SETDB2: variants seen among roughly 807,000 people sequenced by gnomAD.
The protein encoded by SETDB2 is SET domain bifurcated histone lysine methyltransferase 2.
SETDB2 carries 56 observed loss-of-function variants against 82.5 expected under a neutral mutation model. The observed-to-expected ratio is 0.68, with a 90% CI of 0.55 to 0.85. The LOEUF is 0.85. Among genes scored for constraint, SETDB2 ranks in the 40% least tolerant of loss-of-function variants. The pLI is 0.00. For synonymous variants in SETDB2, 272 were observed against 284.9 expected (o/e 0.95, Z 0.46); for missense variants, 677 against 816.4 (o/e 0.83, Z 2.08).
At chr13:49,463,474 G>A (rs1958039782) in intron 4 of SETDB2, among the ~76,000 whole-genome samples, 2 of 152,174 alleles carry the variant, frequency 1.3e-5, no homozygotes, top group South Asian at 2.1e-4. Flanking sequence ...ATACACAAGG[G>A]GGTGGGCTAG....
intron 12 of SETDB2, 65 bp downstream of exon 12, chr13:49,488,695 T>G (rs1402106290): frequency 7.6e-7 from 1 of 1,317,706 alleles, no homozygotes; most frequent in Non-Finnish European, 1.0e-6. Context: ...CTTAACAAAA[T>G]TATGAGGAAA....
In SETDB2 at chr13:49,480,295, G is replaced by T; in HGVS notation, c.946G>T (p.Gly316Ter). 6.2e-7 allele frequency: 1 copy of T among 1,610,432 alleles called. No homozygotes were observed. Among genetic ancestry groups the T allele is most frequent in the Non-Finnish European group, 8.5e-7 (1 of 1,178,828 alleles). The change falls in exon 7 of 14, where the codon GGA becomes TGA. Residue 316 changes from glycine (G) to a stop codon, truncating the protein, a stop_gained. Transcript: ENST00000611815. LOFTEE classifies it high-confidence loss of function. ...SPLSSDKITT[G>*]YKYKRLQRQI... is the part of the protein sequence containing the mutation. ...CTTGTCAAGTGACAAAATAACCACT[G>T]GATATAAATATAAAAGACTACAGAG...
rs1221138252 is a variant in SETDB2, at chr13:49,481,007, C to T, written c.1047C>T (p.Val349=). 3.1e-6 allele frequency: 5 copies of T among 1,614,182 alleles called. No homozygotes were observed. The highest frequency in any genetic ancestry group is 2.5e-6 in the Non-Finnish European group (3 of 1,180,000). Reference sequence around the variant, plus strand: ...GACAATTGTGTCAAAACCGAGTTGTCCAACATGGTCCTCAAGTGAGGTTAC... The same window carrying T: ...GACAATTGTGTCAAAACCGAGTTGTTCAACATGGTCCTCAAGTGAGGTTAC... ...CNRQLCQNRV[V]QHGPQVRLQV... The change falls in exon 8 of 14, where the codon GTC becomes GTT. Residue 349 remains valine, a synonymous_variant. Transcript: ENST00000611815.
intron 6 of SETDB2, among the ~76,000 whole-genome samples, chr13:49,479,555 G>T (rs923213055): frequency 2.0e-5 from 3 of 152,164 alleles, no homozygotes; most frequent in Admixed American, 6.5e-5. Flanking sequence ...AAAGTCACTT[G>T]TTCAGCAAAG....
intron 5 of SETDB2, among the ~76,000 whole-genome samples, chr13:49,474,301 C>T (rs945866214): frequency 6.6e-6 from 1 of 152,112 alleles, no homozygotes; most frequent in Admixed American, 6.6e-5. Context: ...TATAGTATAT[C>T]CTTTTACCTG....
At chr13:49,469,806 A>G (rs1958190641) in intron 5 of SETDB2, among the ~76,000 whole-genome samples, 1 of 152,064 alleles carries the variant, frequency 6.6e-6, no homozygotes, top group Admixed American at 6.6e-5. Context: ...ACTGTCACAG[A>G]CTTCAGTTTC....
intron 8 of SETDB2, chr13:49,482,428 C>A (rs1958498168): frequency 3.5e-6 from 2 of 573,034 alleles, no homozygotes; most frequent in Non-Finnish European, 4.4e-6. Flanking sequence ...CTAGAGTCAT[C>A]TCTCTAATTT....
Position 49,480,967 on chromosome 13 carries a change from T to G in SETDB2, c.1007T>G (p.Leu336Trp). Residue 336 changes from leucine (L) to tryptophan (W), a missense_variant, in exon 8 of 14, where the codon TTG becomes TGG. Leu to Trp is a moderately conservative substitution (Grantham distance 61, BLOSUM62 -2). Around this residue, in one of 3 missense-constraint regions of SETDB2, gnomAD observed 420 missense variants for 554.6 expected, o/e 0.76. Transcript: ENST00000611815. ...GACAGCATTTATGAATGCAGCCTTT[T>G]GTGCAAATGTAATCGACAATTGTGT... ...IPTGIYECSL[L>W]CKCNRQLCQN... 6.2e-7 allele frequency: 1 copy of G among 1,613,996 alleles called. No homozygotes were observed.
intron 12 of SETDB2, 140 bp downstream of exon 12, chr13:49,488,770 A>AGGAC: frequency 1.5e-6 from 1 of 657,710 alleles, no homozygotes; most frequent in Non-Finnish European, 2.5e-6. Flanking sequence ...ATACAGTTGG[A>AGGAC]TGTTTTACTT....
intron 1 of SETDB2, among the ~76,000 whole-genome samples, 156 bp downstream of exon 1, chr13:49,445,013 T>C (rs1024350644): frequency 9.2e-5 from 14 of 152,216 alleles, no homozygotes; most frequent in Admixed American, 3.9e-4. Flanking sequence ...CTCTTTGGCA[T>C]GTGGAAACCT....
intron 4 of SETDB2, among the ~76,000 whole-genome samples, chr13:49,466,260 C>G (rs1398605116): frequency 6.6e-6 from 1 of 152,036 alleles, no homozygotes; most frequent in Non-Finnish European, 1.5e-5. Context: ...GGTAGAGATT[C>G]TACCTCTACA....
At chr13:49,474,380 C>A (rs1958311912) in intron 5 of SETDB2, among the ~76,000 whole-genome samples, 1 of 152,218 alleles carries the variant, frequency 6.6e-6, no homozygotes. Flanking sequence ...CAGGCACTCT[C>A]ATTTATTGCT....
intron 6 of SETDB2, among the ~76,000 whole-genome samples, chr13:49,478,602 T>C (rs940799636): frequency 1.3e-5 from 2 of 152,116 alleles, no homozygotes; most frequent in Admixed American, 1.3e-4. Context: ...TTGAATCTAA[T>C]TGAAAGGGAT....
In SETDB2 at chr13:49,463,167, G is replaced by A. The variant is rs374169146; in HGVS notation, c.208+2005G>A. On this transcript the variant is annotated intron_variant, in intron 4 of 13. Coordinates refer to ENST00000611815, the MANE Select transcript of SETDB2 (RefSeq NM_001160308.3). The stretch of plus-strand genomic sequence containing the variant: ...ACTACGGGCGCATGCCGCCACACCC[G>A]GTGATTTTTTTTTTTTGTATTTTAG... Among the ~76,000 whole-genome samples the A allele has an allele frequency of 3.8e-4, 31 of 80,546 alleles. No homozygotes were observed. In the South Asian group the frequency reaches 8.3e-3, roughly 22 times the overall value. The allele number at this position is 80,546 out of a possible 152,430, so 52.8% of individuals were successfully genotyped here.
intron 1 of SETDB2, among the ~76,000 whole-genome samples, 164 bp from the exon 2 acceptor site, chr13:49,451,389 T>C (rs1488273594): frequency 6.7e-6 from 1 of 150,200 alleles, no homozygotes; most frequent in African/African-American, 2.4e-5. Context: ...TTACATATTT[T>C]TTCCAGATAA....
intron 5 of SETDB2, among the ~76,000 whole-genome samples, chr13:49,474,989 A>G (rs1359357065): frequency 6.6e-6 from 1 of 152,228 alleles, no homozygotes; most frequent in Non-Finnish European, 1.5e-5. Context: ...GCACTGCTTT[A>G]TATAGTGTAT....
chr13:49,471,932 ATAT>A (rs1353006380), intron 5 of SETDB2, among the ~76,000 whole-genome samples: 1 of 75,372 alleles, frequency 1.3e-5, no homozygotes. Flanking sequence ...ATATATATAT[ATAT>A]TTTTTTTTTT....
At chr13:49,463,975 T>A (rs757798796) in intron 4 of SETDB2, 2 of 717,288 alleles carry the variant, frequency 2.8e-6, no homozygotes, top group African/African-American at 3.5e-5. Flanking sequence ...AAAGCTTATT[T>A]CTCTTTTTAA....
intron 6 of SETDB2, among the ~76,000 whole-genome samples, chr13:49,478,754 C>G (rs536904682): frequency 6.6e-6 from 1 of 152,184 alleles, no homozygotes; most frequent in African/African-American, 2.4e-5. Flanking sequence ...TAGCGAAACC[C>G]CATCTCTACA....
Sources: allele counts gnomAD v4.1 joint callset (sites outside exome capture counted in the v4.1 genomes callset), GRCh38; gene constraint gnomAD v4.1.1; regional missense constraint gnomAD v4.1.1; transcripts MANE v1.5; gene names NCBI Gene and HGNC (gene_info 2026-07-23, HGNC 2026-07-21).